STOX2: variants seen among roughly 807,000 people sequenced by gnomAD.
STOX2 encodes the protein storkhead box 2.
A neutral mutation model predicts 60.9 loss-of-function variants in STOX2; 28 were observed. That is an observed-to-expected ratio of 0.46 (90% CI 0.34 to 0.63). The LOEUF (loss-of-function observed/expected upper bound fraction) is 0.63. Ranked by LOEUF, STOX2 falls within the 30% of genes least tolerant of loss-of-function variation. The probability of loss-of-function intolerance (pLI) is 0.01; values close to 1 mark genes in which losing one functional copy is unlikely to be tolerated. For synonymous variants in STOX2, 472 were observed against 463.9 expected (o/e 1.02, Z -0.22); for missense variants, 1,024 against 1,187.7 (o/e 0.86, Z 2.03).
In STOX2 at chr4:184,011,772, C is replaced by T; in HGVS notation, c.2585+349C>T. 6.4e-6 allele frequency: 3 copies of T among 467,008 alleles called. No homozygotes were observed. The highest frequency in any genetic ancestry group is 2.2e-5 in the South Asian group (1 of 46,298). 28.9% of individuals were successfully genotyped at this position (467,008 alleles called of 1,614,324 possible). A position where few individuals can be genotyped will look rare whatever the true frequency, so the allele number is the denominator to read the frequency against. On this transcript the variant is annotated intron_variant, in intron 3 of 3. Coordinates refer to ENST00000308497, the MANE Select transcript of STOX2 (RefSeq NM_020225.3). The surrounding 1 kb of genome is among the most constrained non-coding windows in gnomAD (Gnocchi z 4.4). ...TTTTTAAGTCCTTCAAAAATAGTAA[C>T]TTTTTGAGTAGAATAAATAGTCTGG...
intron 1 of STOX2, among the ~76,000 whole-genome samples, chr4:183,878,388 A>G (rs1210967591): frequency 6.6e-6 from 1 of 152,212 alleles, no homozygotes; most frequent in Non-Finnish European, 1.5e-5. Context: ...TTAAGCTTTC[A>G]TTGGTGGTTT....
chr4:183,838,672 T>A (rs1009772098), intron 1 of STOX2, among the ~76,000 whole-genome samples: 24 of 152,352 alleles, frequency 1.6e-4, no homozygotes, highest in South Asian at 1.0e-3. Flanking sequence ...AGTAATGCTC[T>A]TGCTCAAAAC....
intron 1 of STOX2, among the ~76,000 whole-genome samples, chr4:183,818,993 C>T (rs1305539362): frequency 1.3e-5 from 2 of 151,634 alleles, no homozygotes; most frequent in South Asian, 2.1e-4. Flanking sequence ...GATGGGTGGC[C>T]GGGCAGAGAC....
intron 1 of STOX2, among the ~76,000 whole-genome samples, chr4:183,878,337 A>G (rs566852635): frequency 6.6e-6 from 1 of 152,308 alleles, no homozygotes; most frequent in Non-Finnish European, 1.5e-5. Context: ...AAGTTTATTC[A>G]TTATGTTTTG....
chr4:183,999,214 A>G (rs1034366430), intron 1 of STOX2, among the ~76,000 whole-genome samples: 2 of 152,096 alleles, frequency 1.3e-5, no homozygotes, highest in African/African-American at 4.8e-5. Flanking sequence ...TCATTCTATC[A>G]TTCTGTCATT....
chr4:183,804,425 G>A (rs1738838008), intron 1 of STOX2, among the ~76,000 whole-genome samples: 1 of 152,228 alleles, frequency 6.6e-6, no homozygotes, highest in African/African-American at 2.4e-5. Flanking sequence ...CAGAGAGGGT[G>A]GCCCATGGGG....
chr4:184,010,672 A>G lies in STOX2; in HGVS notation c.1834A>G (p.Thr612Ala), dbSNP rs1734112250. The change falls in exon 3 of 4, where the codon ACG becomes GCG. Residue 612 changes from threonine (T) to alanine (A), a missense_variant. This residue lies in a region of STOX2 where 922 missense variants were observed against 1,058.3 expected (regional missense o/e 0.87). Transcript: ENST00000308497. The surrounding 1 kb of genome is among the most constrained non-coding windows in gnomAD (Gnocchi z 4.5). Reference protein sequence around the residue: ...QCNTSSETVLTAPSPLGKNKE... With the variant: ...QCNTSSETVLAAPSPLGKNKE... ...CAACACCTCTAGTGAGACGGTGCTC[A>G]CGGCACCATCACCTCTGGGAAAGAA... 1 of 1,613,576 alleles carries G rather than the reference A, an allele frequency of 6.2e-7. No homozygotes were observed. The highest frequency in any genetic ancestry group is 1.3e-5 in the African/African-American group (1 of 74,908).
In STOX2 at chr4:183,804,259, G is replaced by A. The variant is rs74511670; in HGVS notation, c.364+6204G>A. Reference sequence around the variant, plus strand: ...TGCCTACTTAATAAGTGATAGAGCCGGGATGTGAACCCAGGCCCTGGGATG... The same window carrying A: ...TGCCTACTTAATAAGTGATAGAGCCAGGATGTGAACCCAGGCCCTGGGATG... On this transcript the variant is annotated intron_variant, in intron 1 of 2. Transcript: ENST00000513034. Among the ~76,000 whole-genome samples the A allele has an allele frequency of 6.8e-4, 103 of 152,278 alleles. 2 individuals are homozygous for A. The East Asian group carries it at 0.014, about 21-fold the overall frequency.
chr4:183,918,792 A>G (rs1742005763), intron 1 of STOX2, among the ~76,000 whole-genome samples: 1 of 152,226 alleles, frequency 6.6e-6, no homozygotes, highest in African/African-American at 2.4e-5. Flanking sequence ...TTCAGCTGCT[A>G]CGAGCAGACG....
chr4:183,930,263 T>C (rs11726747), intron 1 of STOX2, among the ~76,000 whole-genome samples: 112,958 of 151,488 alleles, frequency 0.75, 46,470 homozygotes, highest in Non-Finnish European at 0.92. Flanking sequence ...ACTCTTGAGC[T>C]CAAGTGATCC....
At chr4:183,862,678 G>A (rs779418339) in intron 1 of STOX2, among the ~76,000 whole-genome samples, 1 of 152,226 alleles carries the variant, frequency 6.6e-6, no homozygotes, top group African/African-American at 2.4e-5. Context: ...GAGTCGGCAG[G>A]GTTTACACCC....
intron 1 of STOX2, among the ~76,000 whole-genome samples, chr4:183,941,211 C>G (rs967221699): frequency 6.6e-6 from 1 of 152,138 alleles, no homozygotes; most frequent in African/African-American, 2.4e-5. Flanking sequence ...TGTATTTGTT[C>G]ATAATATTCA....
intron 1 of STOX2, among the ~76,000 whole-genome samples, chr4:183,863,279 G>T (rs1740492252): frequency 1.3e-5 from 2 of 152,142 alleles, no homozygotes; most frequent in South Asian, 2.1e-4. Context: ...CCCACACCAG[G>T]CCATAGGAGC....
chr4:183,964,880 A>G (rs1051897918), intron 1 of STOX2, among the ~76,000 whole-genome samples: 1 of 152,208 alleles, frequency 6.6e-6, no homozygotes, highest in African/African-American at 2.4e-5. Flanking sequence ...CACTGTGCCC[A>G]GCCAAATTGG....
At chr4:183,875,366 G>A (rs1318295100) in intron 1 of STOX2, among the ~76,000 whole-genome samples, 1 of 152,208 alleles carries the variant, frequency 6.6e-6, no homozygotes, top group Non-Finnish European at 1.5e-5. Context: ...GGGGAAGGAG[G>A]CAATTGTGGT....
At chr4:183,822,392 C>T (rs114159029) in intron 1 of STOX2, among the ~76,000 whole-genome samples, 1,672 of 152,296 alleles carry the variant, frequency 0.011, 31 homozygotes, top group African/African-American at 0.039. Flanking sequence ...TTATTGTGCA[C>T]TTTATTTCTG....
rs138537793 is a variant in STOX2, at chr4:183,833,242, A to G, written c.364+35187A>G. 4.8e-3 allele frequency among the ~76,000 whole-genome samples: 734 copies of G among 152,242 alleles called. 8 individuals carry two copies. The highest frequency in any genetic ancestry group is 0.016 in the African/African-American group (673 of 41,538). ...TTTGTAGGAGCGTTTGTGCTTTGCA[A>G]CCTGCCCCATGATTATGGTGTGACC... is the stretch of plus-strand genomic sequence containing the variant. On this transcript the variant is annotated intron_variant, in intron 1 of 2. Transcript: ENST00000513034.
chr4:183,901,013 G>T (rs1741448142), upstream of STOX2, among the ~76,000 whole-genome samples: 1 of 151,922 alleles, frequency 6.6e-6, no homozygotes, highest in Admixed American at 6.6e-5. Flanking sequence ...TTTTCCTTTT[G>T]TAAAATGGAA....
chr4:183,948,540 CTTTT>C (rs10687778), intron 1 of STOX2, among the ~76,000 whole-genome samples: 5 of 78,182 alleles, frequency 6.4e-5, no homozygotes, highest in Admixed American at 2.1e-4. Context: ...ATGCCTTATC[CTTTT>C]TTTTTTTTTT....
Sources: allele counts gnomAD v4.1 joint callset (sites outside exome capture counted in the v4.1 genomes callset), GRCh38; gene constraint gnomAD v4.1.1; regional missense constraint gnomAD v4.1.1; non-coding constraint Gnocchi (gnomAD v3.1); transcripts MANE v1.5; gene names NCBI Gene and HGNC (gene_info 2026-07-23, HGNC 2026-07-21).